The following SOX6 variants were observed in gnomAD, a reference collection of about 807,000 sequenced individuals.
The protein encoded by SOX6 is transcription factor SOX-6.
In SOX6, 11 loss-of-function variants were observed where a neutral mutation model predicts 97.8. The observed-to-expected ratio is 0.11, with a 90% CI of 0.07 to 0.19. The LOEUF (loss-of-function observed/expected upper bound fraction) is 0.19. SOX6 is among the 10% of genes least tolerant of loss of function. SOX6 has a pLI of 1.00. For missense variants in SOX6, 810 were observed against 1,039.5 expected (o/e 0.78, Z 3.04); for synonymous variants, 360 against 371.4 (o/e 0.97, Z 0.35).
chr11:16,447,697 G>GAC (rs1859640644), intron 1 of SOX6, among the ~76,000 whole-genome samples: 2 of 152,006 alleles, frequency 1.3e-5, no homozygotes. Context: ...GAAAACAATG[G>GAC]CAGACTAAAT....
chr11:16,599,553 G>A (rs1411630686), intron 4 of SOX6, among the ~76,000 whole-genome samples: 2 of 151,998 alleles, frequency 1.3e-5, no homozygotes, highest in Non-Finnish European at 2.9e-5. Context: ...ATTGATTGTT[G>A]TTCACTTGAA....
chr11:16,219,607 T>G (rs1049282593), intron 4 of SOX6, among the ~76,000 whole-genome samples: 10 of 152,056 alleles, frequency 6.6e-5, no homozygotes, highest in Non-Finnish European at 1.0e-4. Context: ...CATTTAAAAA[T>G]GTAGAGAATA....
Position 16,516,504 on chromosome 11 carries a change from C to T in SOX6, n.610-40116G>A, listed in dbSNP as rs540578524. On this transcript the variant is annotated intron_variant and non_coding_transcript_variant, in intron 4 of 5. Coordinates refer to the SOX6 transcript ENST00000524520. The stretch of plus-strand genomic sequence containing the variant: ...AAAATGATAAAGGGGATATCACCAC[C>T]GATCCCACAGAAATACAAACTACCA... Among the ~76,000 whole-genome samples the T allele has an allele frequency of 1.2e-4, 18 of 152,016 alleles. No individual in the cohort carries two copies. The South Asian group carries it at 1.5e-3, about 12-fold the overall frequency.
At chr11:16,054,020 A>T (rs569736553) in intron 10 of SOX6, among the ~76,000 whole-genome samples, 12 of 152,172 alleles carry the variant, frequency 7.9e-5, no homozygotes, top group Non-Finnish European at 1.5e-4. Flanking sequence ...ATTAACATAG[A>T]ATATGGTCAA....
At chr11:16,286,402 C>G (rs1854743964) in intron 3 of SOX6, among the ~76,000 whole-genome samples, 1 of 152,118 alleles carries the variant, frequency 6.6e-6, no homozygotes, top group African/African-American at 2.4e-5. Flanking sequence ...CCTGGACATT[C>G]TATTTACTAA....
intron 3 of SOX6, among the ~76,000 whole-genome samples, chr11:16,266,191 C>T (rs981208576): frequency 3.3e-5 from 5 of 151,736 alleles, no homozygotes; most frequent in African/African-American, 2.4e-5. Flanking sequence ...CCCAAAAAGG[C>T]AGGTTATTGT....
intron 7 of SOX6, among the ~76,000 whole-genome samples, chr11:16,108,316 G>T (rs991868484): frequency 6.6e-6 from 1 of 151,990 alleles, no homozygotes; most frequent in East Asian, 1.9e-4. Flanking sequence ...CTTTCTAGCC[G>T]CAATCATGTA....
intron 1 of SOX6, among the ~76,000 whole-genome samples, chr11:16,445,277 C>A (rs767450194): frequency 1.3e-5 from 2 of 152,146 alleles, no homozygotes; most frequent in African/African-American, 4.8e-5. Context: ...ACATAATCCA[C>A]CAACTTTGCA....
At chr11:16,424,823 G>A (rs1565140705) in intron 1 of SOX6, among the ~76,000 whole-genome samples, 1 of 152,190 alleles carries the variant, frequency 6.6e-6, no homozygotes, top group Non-Finnish European at 1.5e-5. Flanking sequence ...ATATGGCTCT[G>A]GGGACAAATT....
chr11:15,982,335 T>C (rs35189093), intron 15 of SOX6, among the ~76,000 whole-genome samples: 49,360 of 151,998 alleles, frequency 0.32, 9,474 homozygotes, highest in Non-Finnish European at 0.43. Flanking sequence ...TCTTGTAAAT[T>C]TGTTGTATTT....
chr11:16,452,202 T>A (rs1195492481), intron 1 of SOX6, among the ~76,000 whole-genome samples: 1 of 152,130 alleles, frequency 6.6e-6, no homozygotes, highest in Non-Finnish European at 1.5e-5. Context: ...ACAGTTAACA[T>A]GTGGTATTTT....
chr11:16,180,498 A>T (rs562867921), intron 6 of SOX6, among the ~76,000 whole-genome samples: 14 of 151,708 alleles, frequency 9.2e-5, no homozygotes, highest in African/African-American at 3.4e-4. Context: ...AAAAATATCT[A>T]TTTTTTTCCT....
intron 4 of SOX6, among the ~76,000 whole-genome samples, chr11:16,206,718 T>G (rs1256588569): frequency 2.6e-5 from 4 of 152,204 alleles, no homozygotes; most frequent in Non-Finnish European, 5.9e-5. Flanking sequence ...TAAAATCTAT[T>G]TTAGAGTCTT....
chr11:16,239,376 G>C (rs1424218287), intron 3 of SOX6, among the ~76,000 whole-genome samples: 1 of 151,950 alleles, frequency 6.6e-6, no homozygotes, highest in Non-Finnish European at 1.5e-5. Context: ...AGTATAAATA[G>C]AGGCTGTTTT....
intron 2 of SOX6, among the ~76,000 whole-genome samples, chr11:16,725,686 T>C (rs1231534657): frequency 6.6e-6 from 1 of 151,872 alleles, no homozygotes; most frequent in Admixed American, 6.6e-5. Flanking sequence ...AGGTGCAGAG[T>C]TTCTTTTTTT....
At chr11:16,487,295 T>C (rs749148243) in intron 4 of SOX6, among the ~76,000 whole-genome samples, 10 of 152,112 alleles carry the variant, frequency 6.6e-5, no homozygotes, top group African/African-American at 2.4e-4. Flanking sequence ...AAATCTGAGA[T>C]AAAGATACAA....
intron 4 of SOX6, among the ~76,000 whole-genome samples, chr11:16,498,230 G>A (rs1590223979): frequency 2.6e-5 from 4 of 152,034 alleles, no homozygotes; most frequent in African/African-American, 7.2e-5. Context: ...CTTCATAAGT[G>A]AAGGAGAATT....
chr11:16,679,210 G>A (rs1259216882), intron 3 of SOX6, among the ~76,000 whole-genome samples: 1 of 152,146 alleles, frequency 6.6e-6, no homozygotes, highest in African/African-American at 2.4e-5. Flanking sequence ...TCCCAGTACG[G>A]GCCAACAGAC....
intron 4 of SOX6, among the ~76,000 whole-genome samples, chr11:16,231,900 T>C (rs1374035622): frequency 1.3e-5 from 2 of 151,874 alleles, no homozygotes; most frequent in Non-Finnish European, 3.0e-5. Flanking sequence ...GGGATGATTC[T>C]AATTTTGTGG....
Sources: allele counts gnomAD v4.1 joint callset (sites outside exome capture counted in the v4.1 genomes callset), GRCh38; gene constraint gnomAD v4.1.1; transcripts MANE v1.5; gene names NCBI Gene and HGNC (gene_info 2026-07-23, HGNC 2026-07-21).